The following RAB12 variants were observed in gnomAD, a reference collection of about 807,000 sequenced individuals.
RAB12 encodes RAB12, member RAS oncogene family.
Under a neutral mutation model 28.4 loss-of-function variants are expected in RAB12, and 11 were observed. The observed-to-expected ratio is 0.39, with a 90% CI of 0.24 to 0.64. The LOEUF is 0.64. Among genes scored for constraint, RAB12 ranks in the 30% least tolerant of loss-of-function variants. The pLI, the probability that RAB12 is intolerant of heterozygous loss-of-function variation, is 0.50. For missense variants in RAB12, 276 were observed against 351.1 expected (o/e 0.79, Z 1.71); for synonymous variants, 138 against 145.3 (o/e 0.95, Z 0.36).
Position 8,638,729 on chromosome 18 carries a change from A to C in RAB12, c.*467A>C, listed in dbSNP as rs946787817. On this transcript the variant is annotated 3_prime_UTR_variant, in exon 6 of 6. Transcript: ENST00000649141. ...TCTTTATTTACAAGACATTTCCCCCAGTGGTAGCATCTGAAGTATTGGAGT... is the reference window on the plus strand; with the variant it reads ...TCTTTATTTACAAGACATTTCCCCCCGTGGTAGCATCTGAAGTATTGGAGT... 3 of 154,708 alleles carry C rather than the reference A, an allele frequency of 1.9e-5. No homozygotes were observed. Among genetic ancestry groups the C allele is most frequent in the African/African-American group, 7.2e-5 (3 of 41,592 alleles). 9.6% of individuals were successfully genotyped at this position (154,708 alleles called of 1,614,324 possible). A position where few individuals can be genotyped will look rare whatever the true frequency, so the allele number is the denominator to read the frequency against.
chr18:8,622,802 G>A (rs1050310056), intron 1 of RAB12, among the ~76,000 whole-genome samples: 11 of 152,152 alleles, frequency 7.2e-5, no homozygotes, highest in Admixed American at 3.3e-4. Context: ...CATAGAAGAC[G>A]GCCACGCCCA....
chr18:8,638,233 C>T lies in RAB12; in HGVS notation c.994C>T (p.Pro332Ser), dbSNP rs1264765271. The T allele has an allele frequency of 6.2e-7, 1 of 1,613,398 alleles. No homozygotes were observed. The highest frequency in any genetic ancestry group is 1.1e-5 in the South Asian group (1 of 91,036). Residue 332 changes from proline to serine, a missense_variant, in exon 6 of 6, where the codon CCA becomes TCA. By Grantham distance (74) the Pro-to-Ser change is moderately conservative. Around this residue, in one of 4 missense-constraint regions of RAB12, gnomAD observed 127 missense variants for 161.4 expected, o/e 0.79. Coordinates refer to ENST00000649141, the MANE Select transcript of RAB12 (RefSeq NM_001025300.3). ...GCCTGAGATACCGCCAGAACTGCCT[C>T]CACCAAGACCACATGTCCGATGCTG... ...PEPEIPPELP[P>S]PRPHVRCC
chr18:8,627,950 T>C (rs1268982924), intron 2 of RAB12, among the ~76,000 whole-genome samples: 1 of 152,216 alleles, frequency 6.6e-6, no homozygotes, highest in Non-Finnish European at 1.5e-5. Flanking sequence ...AGGCTTTGAA[T>C]TCTCCAAGCG....
chr18:8,631,229 A>G (rs1037394773), intron 2 of RAB12, among the ~76,000 whole-genome samples: 31 of 152,188 alleles, frequency 2.0e-4, no homozygotes, highest in African/African-American at 7.5e-4. Flanking sequence ...TAAGTGTGGG[A>G]CTATTGGTCA....
chr18:8,633,385 A>T, intron 3 of RAB12, 58 bp downstream of exon 3: 11 of 1,585,706 alleles, frequency 6.9e-6, no homozygotes, highest in Non-Finnish European at 9.5e-6. Flanking sequence ...CTTAATCATT[A>T]TTAAAAGAAG....
intron 1 of RAB12, among the ~76,000 whole-genome samples, chr18:8,620,719 T>C (rs2096009437): frequency 6.6e-6 from 1 of 152,146 alleles, no homozygotes; most frequent in African/African-American, 2.4e-5. Context: ...TCCTAGACTT[T>C]AGGGGGCTGA....
chr18:8,615,152 G>A (rs568535049), intron 1 of RAB12, among the ~76,000 whole-genome samples: 1 of 152,276 alleles, frequency 6.6e-6, no homozygotes, highest in East Asian at 1.9e-4. Context: ...TTGGACCTGC[G>A]GTTGAGCTGG....
rs1382752271 is a variant in RAB12, at chr18:8,617,416, A to G, written c.514+7463A>G. On this transcript the variant is annotated intron_variant, in intron 1 of 5. Coordinates refer to ENST00000649141, the MANE Select transcript of RAB12 (RefSeq NM_001025300.3). ...GTAGTGAAGTTCAATTTTTTTGCATATGAAGAAAATGTTAATAATCCACTG... is the reference window on the plus strand; with the variant it reads ...GTAGTGAAGTTCAATTTTTTTGCATGTGAAGAAAATGTTAATAATCCACTG... Among the ~76,000 whole-genome samples the G allele has an allele frequency of 2.6e-5, 4 of 151,930 alleles. No individual in the cohort carries two copies. In the East Asian group the frequency reaches 5.8e-4, roughly 22 times the overall value.
chr18:8,639,067 A>G lies in RAB12; in HGVS notation c.*805A>G, dbSNP rs962052406. On this transcript the variant is annotated 3_prime_UTR_variant, in exon 6 of 6. Transcript: ENST00000649141. Reference sequence around the variant, plus strand: ...TCAAAGAACATACGTGTATTTGCCTAAACACTCTGTACCTTTGTAATGATA... The same window carrying G: ...TCAAAGAACATACGTGTATTTGCCTGAACACTCTGTACCTTTGTAATGATA... 6.8e-6 allele frequency: 1 copy of G among 146,660 alleles called. No individual in the cohort carries two copies. Among genetic ancestry groups the G allele is most frequent in the African/African-American group, 2.5e-5 (1 of 39,842 alleles). The allele number at this position is 146,660 out of a possible 1,614,324, so 9.1% of individuals were successfully genotyped here.
chr18:8,612,247 G>T (rs8091126), intron 1 of RAB12, among the ~76,000 whole-genome samples: 158 of 152,340 alleles, frequency 1.0e-3, no homozygotes, highest in African/African-American at 3.4e-3. Context: ...CTAGTGATGA[G>T]GCCTGGTCAG....
chr18:8,632,450 G>A (rs2096016574), intron 2 of RAB12, among the ~76,000 whole-genome samples: 1 of 152,152 alleles, frequency 6.6e-6, no homozygotes, highest in Admixed American at 6.5e-5. Context: ...TCAAGAGCTG[G>A]CTCTGCTTGT....
chr18:8,639,144 G>GTTCTTTTT lies in RAB12; in HGVS notation c.*885_*892dup, dbSNP rs2096020778. 1 of 16,560 alleles carries GTTCTTTTT rather than the reference G, an allele frequency of 6.0e-5. No individual in the cohort carries two copies. Among genetic ancestry groups the GTTCTTTTT allele is most frequent in the Non-Finnish European group, 1.3e-4 (1 of 7,628 alleles). 1.0% of individuals were successfully genotyped at this position (16,560 alleles called of 1,614,324 possible). On this transcript the variant is annotated 3_prime_UTR_variant, in exon 6 of 6. Coordinates refer to ENST00000649141, the MANE Select transcript of RAB12 (RefSeq NM_001025300.3). ...CTTATTCTGATTAAGCCTAGACTGT[G>GTTCTTTTT]TTCTTTTTTTTTTTTTTTTTTTTTT...
At position 8,638,159 on chromosome 18, in the gene RAB12, A is replaced by G; in HGVS notation, c.920A>G (p.Asp307Gly). The G allele has an allele frequency of 6.2e-7, 1 of 1,612,084 alleles. No individual in the cohort carries two copies. The highest frequency in any genetic ancestry group is 1.1e-5 in the South Asian group (1 of 91,020). ...VDDILKKMPL[D>G]ILRNELSNSI... ...TTGTTTATACGTTAGATGCCTCTGG[A>G]TATTTTAAGGAATGAGTTGTCCAAT... Residue 307 changes from aspartate to glycine, a missense_variant, in exon 6 of 6, where the codon GAT becomes GGT. By Grantham distance (94) the Asp-to-Gly change is moderately conservative (BLOSUM62 -1). Around this residue, in one of 4 missense-constraint regions of RAB12, gnomAD observed 127 missense variants for 161.4 expected, o/e 0.79. Transcript: ENST00000649141.
At chr18:8,636,088 T>G (rs1294458725) in intron 4 of RAB12, 165 bp from the exon 5 acceptor site, 3 of 600,322 alleles carry the variant, frequency 5.0e-6, no homozygotes, top group Non-Finnish European at 9.0e-6. Flanking sequence ...TAGTTGCTTA[T>G]AATGTAAGAA....
At chr18:8,610,814 C>T (rs2096003377) in intron 1 of RAB12, among the ~76,000 whole-genome samples, 1 of 152,100 alleles carries the variant, frequency 6.6e-6, no homozygotes, top group African/African-American at 2.4e-5. Context: ...CAGTCACTTC[C>T]GTGATAGGAA....
chr18:8,614,279 A>G (rs1349732552), intron 1 of RAB12, among the ~76,000 whole-genome samples: 1 of 150,206 alleles, frequency 6.7e-6, no homozygotes, highest in Admixed American at 6.7e-5. Flanking sequence ...TGCCTTTTGA[A>G]TTAAAATAAT....
In RAB12 at chr18:8,638,334, C is replaced by G. The variant is rs1179546690; in HGVS notation, c.*72C>G. On this transcript the variant is annotated 3_prime_UTR_variant, in exon 6 of 6. Coordinates refer to ENST00000649141, the MANE Select transcript of RAB12 (RefSeq NM_001025300.3). ...AAAACGTTCTATTCTGCACTACAAT[C>G]ATTTTGACAATTTCCTTTCGCACTT... The G allele has an allele frequency of 1.1e-5, 12 of 1,047,562 alleles. No individual in the cohort carries two copies. The highest frequency in any genetic ancestry group is 3.9e-5 in the Admixed American group (2 of 51,752). 64.9% of individuals were successfully genotyped at this position (1,047,562 alleles called of 1,614,324 possible).
At chr18:8,630,951 C>T (rs1314774873) in intron 2 of RAB12, among the ~76,000 whole-genome samples, 5 of 152,348 alleles carry the variant, frequency 3.3e-5, no homozygotes, top group South Asian at 2.1e-4. Context: ...TGCAGTGGCG[C>T]GATTGCAGTT....
chr18:8,626,543 T>C (rs1276677577), intron 2 of RAB12, among the ~76,000 whole-genome samples: 1 of 152,238 alleles, frequency 6.6e-6, no homozygotes, highest in East Asian at 1.9e-4. Flanking sequence ...TATGTCCAAA[T>C]GTCCTGGTGC....
Sources: gnomAD v4.1 joint callset for allele counts (sites outside exome capture counted in the v4.1 genomes callset) on GRCh38, gnomAD v4.1.1 for gene constraint, gnomAD v4.1.1 regional missense constraint, MANE v1.5 for transcripts, NCBI Gene and HGNC (gene_info 2026-07-23, HGNC 2026-07-21) for gene names.